The following MED27 variants were observed in gnomAD, a reference collection of about 807,000 sequenced individuals.
The protein encoded by MED27 is mediator of RNA polymerase II transcription subunit 27.
MED27 carries 30 observed loss-of-function variants against 38.2 expected under a neutral mutation model. That is an observed-to-expected ratio of 0.79 (90% CI 0.59 to 1.07). The LOEUF (loss-of-function observed/expected upper bound fraction) is 1.07, where lower values mean the gene tolerates loss of function less well. Ranked by LOEUF, MED27 falls within the 50% of genes least tolerant of loss-of-function variation. MED27 has a pLI of 0.00. For synonymous variants in MED27, 122 were observed against 153.5 expected, an observed-to-expected ratio of 0.79 and a Z score of 1.52; for missense variants, 289 against 397.5, an observed-to-expected ratio of 0.73 and a Z score of 2.32.
At chr9:131,881,493 C>G (rs148804828) in intron 6 of MED27, among the ~76,000 whole-genome samples, 4 of 152,086 alleles carry the variant, frequency 2.6e-5, no homozygotes, top group Non-Finnish European at 4.4e-5. Flanking sequence ...CATTACATTT[C>G]CAGGGAGCTC....
intron 2 of MED27, among the ~76,000 whole-genome samples, chr9:132,061,219 A>C (rs1833688757): frequency 1.3e-5 from 2 of 152,228 alleles, no homozygotes; most frequent in Non-Finnish European, 2.9e-5. Context: ...AATGAAAAGT[A>C]AGTCAGAGCT....
chr9:132,006,002 T>G (rs1461832394), intron 3 of MED27, among the ~76,000 whole-genome samples: 1 of 152,188 alleles, frequency 6.6e-6, no homozygotes, highest in African/African-American at 2.4e-5. Flanking sequence ...TAGAGAGTTA[T>G]CGCCACCTAG....
In MED27 at chr9:131,953,138, T is replaced by A. The variant is rs573556825; in HGVS notation, c.480-13664A>T. Among the ~76,000 whole-genome samples the A allele has an allele frequency of 1.1e-4, 17 of 152,274 alleles. No individual in the cohort carries two copies. In the South Asian group the frequency reaches 3.5e-3, roughly 32 times the overall value. ...TTCATTTAATAATTTTCCCCTGGAG[T>A]ATTTTAACTGTGGATGCGGCTAGTT... On this transcript the variant is annotated intron_variant, in intron 3 of 7. Coordinates refer to ENST00000292035, the MANE Select transcript of MED27 (RefSeq NM_004269.4).
chr9:131,890,697 C>G (rs967945496), intron 5 of MED27, among the ~76,000 whole-genome samples: 8 of 152,214 alleles, frequency 5.3e-5, no homozygotes, highest in African/African-American at 1.4e-4. Context: ...CAGACAGTCA[C>G]ACGATGGAGC....
At chr9:131,870,845 T>A (rs926258799) in intron 6 of MED27, among the ~76,000 whole-genome samples, 2 of 152,180 alleles carry the variant, frequency 1.3e-5, no homozygotes, top group African/African-American at 4.8e-5. Context: ...CTCCCTGCTA[T>A]GTGCTGGCCC....
intron 2 of MED27, among the ~76,000 whole-genome samples, chr9:132,023,762 A>T (rs1832763749): frequency 6.6e-6 from 1 of 152,238 alleles, no homozygotes; most frequent in Non-Finnish European, 1.5e-5. Flanking sequence ...GGAGCCATAT[A>T]ATCACTGACT....
In MED27 at chr9:132,001,101, A is replaced by G. The variant is rs7019325; in HGVS notation, c.479+13236T>C. Among the ~76,000 whole-genome samples, 748 of 152,112 alleles carry G rather than the reference A, an allele frequency of 4.9e-3. 10 individuals carry two copies. The highest frequency in any genetic ancestry group is 0.017 in the African/African-American group (690 of 41,490). On this transcript the variant is annotated intron_variant, in intron 3 of 7. Coordinates refer to ENST00000292035, the MANE Select transcript of MED27 (RefSeq NM_004269.4). ...GGCGACAAAGCAACATCCTGCCTCA[A>G]AGAGAAAAAAAGAAAAAAAAAGTAT...
intron 3 of MED27, among the ~76,000 whole-genome samples, chr9:131,976,963 G>C (rs1831621812): frequency 6.6e-6 from 1 of 152,178 alleles, no homozygotes; most frequent in African/African-American, 2.4e-5. Flanking sequence ...GATTCTACTT[G>C]CAGGAGCCCC....
intron 4 of MED27, among the ~76,000 whole-genome samples, chr9:131,928,688 G>A (rs1430854779): frequency 6.6e-6 from 1 of 152,242 alleles, no homozygotes. Context: ...TCTGGCCAGA[G>A]AGAAATCACC....
chr9:131,986,743 T>C (rs2131035100), intron 3 of MED27, among the ~76,000 whole-genome samples: 1 of 152,326 alleles, frequency 6.6e-6, no homozygotes, highest in South Asian at 2.1e-4. Context: ...ATTTACCTTC[T>C]GAAATATTAT....
chr9:131,911,943 G>A (rs1004573203), intron 4 of MED27, among the ~76,000 whole-genome samples: 3 of 152,070 alleles, frequency 2.0e-5, no homozygotes, highest in Admixed American at 2.0e-4. Context: ...AGATGCAGTG[G>A]CCCCAACTTC....
Position 131,997,055 on chromosome 9 carries a change from G to A in MED27, c.479+17282C>T, listed in dbSNP as rs1589256471. Among the ~76,000 whole-genome samples the A allele has an allele frequency of 6.6e-6, 1 of 151,676 alleles. No homozygotes were observed. Among genetic ancestry groups the A allele is most frequent in the Admixed American group, 6.6e-5 (1 of 15,228 alleles). ...TGGGTACCCCTAACGCTGTGTTAAG[G>A]GTCAACTGTAGTTTAACAGTGGGTA... On this transcript the variant is annotated intron_variant, in intron 3 of 7. Transcript: ENST00000292035. This position sits in a 1 kb window ranked among gnomAD's most constrained non-coding sequence, Gnocchi z 4.0.
At chr9:131,954,013 A>T (rs1363400993) in intron 3 of MED27, among the ~76,000 whole-genome samples, 10 of 152,140 alleles carry the variant, frequency 6.6e-5, no homozygotes, top group Non-Finnish European at 2.9e-5. Flanking sequence ...CATGTTGGCC[A>T]GGCTGGTCTC....
intron 3 of MED27, among the ~76,000 whole-genome samples, chr9:131,976,438 C>T (rs1049406049): frequency 6.6e-6 from 1 of 152,194 alleles, no homozygotes; most frequent in African/African-American, 2.4e-5. Flanking sequence ...AAAACAGTCA[C>T]TGGGCAGTGG....
rs576226280 is a variant in MED27, at chr9:132,003,047, G to A, written c.479+11290C>T. ...CATTAGTTGGGGGACAGCATGGTGT[G>A]AAGTATTAACAATCCTGAAGCTCTT... On this transcript the variant is annotated intron_variant, in intron 3 of 7. Coordinates refer to ENST00000292035, the MANE Select transcript of MED27 (RefSeq NM_004269.4). This position sits in a 1 kb window ranked among gnomAD's most constrained non-coding sequence, Gnocchi z 4.2. Among the ~76,000 whole-genome samples, 36 of 152,050 alleles carry A rather than the reference G, an allele frequency of 2.4e-4. No homozygotes were observed. The South Asian group carries it at 7.3e-3, about 31-fold the overall frequency.
chr9:132,024,084 G>A (rs907774184), intron 2 of MED27, among the ~76,000 whole-genome samples: 1 of 152,172 alleles, frequency 6.6e-6, no homozygotes, highest in Non-Finnish European at 1.5e-5. Flanking sequence ...ACAGAAGATG[G>A]AGCCTTGCAG....
intron 1 of MED27, 40 bp downstream of exon 1, chr9:132,079,602 G>A: frequency 1.2e-6 from 2 of 1,601,510 alleles, no homozygotes; most frequent in Non-Finnish European, 1.7e-6. Flanking sequence ...GGTCGGAGCG[G>A]GGCCGGTCCC....
intron 2 of MED27, among the ~76,000 whole-genome samples, chr9:132,040,572 G>C (rs905784233): frequency 7.2e-5 from 11 of 152,314 alleles, no homozygotes; most frequent in African/African-American, 2.4e-4. Flanking sequence ...CAAATACTAA[G>C]GCAGCATGTT....
At chr9:132,036,216 T>C (rs1053901424) in intron 2 of MED27, among the ~76,000 whole-genome samples, 1 of 152,194 alleles carries the variant, frequency 6.6e-6, no homozygotes, top group African/African-American at 2.4e-5. Flanking sequence ...TGTTTTTTTG[T>C]TTTTATAGTC....
Sources: gnomAD v4.1 joint callset for allele counts (sites outside exome capture counted in the v4.1 genomes callset) on GRCh38, gnomAD v4.1.1 for gene constraint, Gnocchi (gnomAD v3.1) non-coding constraint, MANE v1.5 for transcripts, NCBI Gene and HGNC (gene_info 2026-07-23, HGNC 2026-07-21) for gene names.